GRIN2B: variants seen among roughly 807,000 people sequenced by gnomAD.
GRIN2B encodes the protein glutamate receptor ionotropic, NMDA 2B.
GRIN2B carries 5 observed loss-of-function variants against 114.5 expected under a neutral mutation model. The observed-to-expected ratio is 0.04, with a 90% CI of 0.02 to 0.09. GRIN2B has a LOEUF of 0.09. Among genes scored for constraint, GRIN2B ranks in the 10% least tolerant of loss-of-function variants. GRIN2B has a pLI of 1.00. For synonymous variants in GRIN2B, 787 were observed against 745.1 expected (o/e 1.06, Z -0.92); for missense variants, 1,108 against 1,943.5 (o/e 0.57, Z 8.08).
intron 4 of GRIN2B, among the ~76,000 whole-genome samples, chr12:13,719,067 G>C (rs868095564): frequency 6.6e-6 from 1 of 151,946 alleles, no homozygotes. Context: ...CTCCCCAACA[G>C]CTCCTCATAC....
intron 2 of GRIN2B, among the ~76,000 whole-genome samples, chr12:13,965,647 T>C (rs1867778589): frequency 6.6e-6 from 1 of 152,188 alleles, no homozygotes; most frequent in Non-Finnish European, 1.5e-5. Context: ...GATATACTTC[T>C]TGTTCTTATG....
At chr12:13,954,404 G>C (rs1867548749) in intron 2 of GRIN2B, among the ~76,000 whole-genome samples, 2 of 152,146 alleles carry the variant, frequency 1.3e-5, no homozygotes, top group African/African-American at 4.8e-5. Context: ...GGTTAATGTG[G>C]GAGCTCAGAG....
Position 13,919,878 on chromosome 12 carries a change from A to C in GRIN2B, c.-18-53652T>G, listed in dbSNP as rs1866794271. Among the ~76,000 whole-genome samples, 3 of 152,304 alleles carry C rather than the reference A, an allele frequency of 2.0e-5. No homozygotes were observed. The South Asian group carries it at 6.2e-4, about 32-fold the overall frequency. On this transcript the variant is annotated intron_variant, in intron 2 of 13. Coordinates refer to ENST00000609686, the MANE Select transcript of GRIN2B (RefSeq NM_000834.5). ...ATATCAGAATCACCTTGAAAATGAG[A>C]GCAACAACGATGCAGATGAACTGGC... is the stretch of plus-strand genomic sequence containing the variant.
intron 2 of GRIN2B, among the ~76,000 whole-genome samples, chr12:13,930,056 C>T (rs1292133631): frequency 1.3e-5 from 2 of 151,976 alleles, no homozygotes; most frequent in Admixed American, 6.6e-5. Flanking sequence ...TGGTGGCACG[C>T]ACCTGCAGTC....
At chr12:13,826,012 A>G (rs899095048) in intron 3 of GRIN2B, among the ~76,000 whole-genome samples, 2 of 150,906 alleles carry the variant, frequency 1.3e-5, no homozygotes, top group Admixed American at 1.3e-4. Context: ...TTTTTTATCT[A>G]GTCTTTGTTT....
At chr12:13,829,467 C>T (rs779762709) in intron 3 of GRIN2B, among the ~76,000 whole-genome samples, 5 of 152,066 alleles carry the variant, frequency 3.3e-5, no homozygotes, top group South Asian at 2.1e-4. Flanking sequence ...AAAGATGGTG[C>T]GGGAATTGAG....
chr12:13,622,072 GC>G (rs1949523616), intron 5 of GRIN2B, among the ~76,000 whole-genome samples: 1 of 152,202 alleles, frequency 6.6e-6, no homozygotes, highest in Non-Finnish European at 1.5e-5. Context: ...GCATAGATTA[GC>G]AAAGGACATC....
At chr12:13,682,212 A>G (rs945910691) in intron 4 of GRIN2B, among the ~76,000 whole-genome samples, 3 of 152,212 alleles carry the variant, frequency 2.0e-5, no homozygotes, top group African/African-American at 7.2e-5. Context: ...GATTATTACA[A>G]TCTGGTCAAC....
At chr12:13,887,908 G>A (rs1866192778) in intron 2 of GRIN2B, among the ~76,000 whole-genome samples, 1 of 152,198 alleles carries the variant, frequency 6.6e-6, no homozygotes, top group South Asian at 2.1e-4. Flanking sequence ...AATATATGGT[G>A]ACAATGGCTC....
At chr12:13,842,333 A>G (rs182184353) in intron 3 of GRIN2B, among the ~76,000 whole-genome samples, 4 of 152,330 alleles carry the variant, frequency 2.6e-5, no homozygotes, top group East Asian at 3.9e-4. Flanking sequence ...TTTGATATGC[A>G]TTATTTTTCT....
At chr12:13,866,342 C>T in intron 2 of GRIN2B, 116 bp from the exon 3 acceptor site, 1 of 836,584 alleles carries the variant, frequency 1.2e-6, no homozygotes, top group East Asian at 2.6e-5. Flanking sequence ...GCACCAAACC[C>T]AACTCCATCT....
intron 10 of GRIN2B, among the ~76,000 whole-genome samples, chr12:13,588,703 C>T (rs1487822006): frequency 6.6e-6 from 1 of 152,148 alleles, no homozygotes; most frequent in Admixed American, 6.5e-5. Context: ...TAATGCAGTG[C>T]TGCTTTTTTA....
At position 13,613,514 on chromosome 12, in the gene GRIN2B, T is replaced by C. The variant is rs1420243859; in HGVS notation, c.1654+1600A>G. ...TACAAACTGAGCCAAAAAGTCTGTG[T>C]TTTTTCATTGTATTACATTGCTCTT... is the stretch of plus-strand genomic sequence containing the variant. On this transcript the variant is annotated intron_variant, in intron 8 of 13. Transcript: ENST00000609686. 1.2e-4 allele frequency among the ~76,000 whole-genome samples: 19 copies of C among 152,230 alleles called. No homozygotes were observed. In the East Asian group the frequency reaches 3.1e-3, roughly 25 times the overall value.
At chr12:13,645,325 A>G (rs765277008) in intron 5 of GRIN2B, among the ~76,000 whole-genome samples, 2 of 152,100 alleles carry the variant, frequency 1.3e-5, no homozygotes, top group Non-Finnish European at 2.9e-5. Flanking sequence ...AGCACATAAG[A>G]TGTTTATCAA....
intron 5 of GRIN2B, among the ~76,000 whole-genome samples, chr12:13,654,240 A>C (rs538680565): frequency 6.6e-6 from 1 of 152,246 alleles, no homozygotes; most frequent in Admixed American, 6.5e-5. Context: ...TGAGAAGCTC[A>C]CTGCAGGGCC....
At chr12:13,977,967 G>A (rs117075707) in intron 2 of GRIN2B, among the ~76,000 whole-genome samples, 2,613 of 152,080 alleles carry the variant, frequency 0.017, 38 homozygotes, top group Middle Eastern at 0.051. Flanking sequence ...ACTAATGATA[G>A]CCTGGAACCT....
chr12:13,757,179 G>C (rs1306111493), intron 3 of GRIN2B, among the ~76,000 whole-genome samples: 2 of 152,148 alleles, frequency 1.3e-5, no homozygotes, highest in Non-Finnish European at 2.9e-5. Flanking sequence ...ACCCAAAGGA[G>C]GCTAATGAAG....
intron 2 of GRIN2B, among the ~76,000 whole-genome samples, chr12:13,924,027 T>G (rs921078115): frequency 1.3e-5 from 2 of 152,172 alleles, no homozygotes; most frequent in Non-Finnish European, 2.9e-5. Flanking sequence ...GAATGAAGAT[T>G]CATTTCTTAC....
At chr12:13,580,614 C>T (rs1948834938) in intron 10 of GRIN2B, among the ~76,000 whole-genome samples, 1 of 152,214 alleles carries the variant, frequency 6.6e-6, no homozygotes, top group East Asian at 1.9e-4. Context: ...GAGGAGGTGG[C>T]AGCACATCAG....
Sources: gnomAD v4.1 joint callset for allele counts (sites outside exome capture counted in the v4.1 genomes callset) on GRCh38, gnomAD v4.1.1 for gene constraint, MANE v1.5 for transcripts, NCBI Gene and HGNC (gene_info 2026-07-23, HGNC 2026-07-21) for gene names.